Variants in DNAH6 observed in about 807,000 individuals in gnomAD.
The protein encoded by DNAH6 is dynein axonemal heavy chain 6.
A neutral mutation model predicts 491.4 loss-of-function variants in DNAH6; 340 were observed. That is an observed-to-expected ratio of 0.69 (90% CI 0.63 to 0.76). DNAH6 has a LOEUF of 0.76. Ranked by LOEUF, DNAH6 falls within the 30% of genes least tolerant of loss-of-function variation. The pLI is 0.00. For missense variants in DNAH6, 4,443 were observed against 4,972.2 expected (o/e 0.89, Z 3.20); for synonymous variants, 1,603 against 1,686.1 (o/e 0.95, Z 1.21).
intron 41 of DNAH6, among the ~76,000 whole-genome samples, chr2:84,677,700 T>G (rs1333172449): frequency 6.6e-6 from 1 of 152,182 alleles, no homozygotes; most frequent in Non-Finnish European, 1.5e-5. Flanking sequence ...CTACAAGTGC[T>G]CAACAGATTG....
rs1475656830 is a variant in DNAH6, at chr2:84,815,771, ACCTG to A, written c.12151-89_12151-86del. ...AATGTATAGAGTGTTTTTTAGAATT[ACCTG>A]GTGAGGATGTGGGACATAGGAAGTG... is the stretch of plus-strand genomic sequence containing the variant. On this transcript the variant is annotated intron_variant, in intron 75 of 76. Transcript: ENST00000389394. 1.8e-5 allele frequency: 16 copies of A among 907,322 alleles called. No individual in the cohort carries two copies. The African/African-American group carries it at 2.2e-4, about 12-fold the overall frequency. 56.2% of individuals were successfully genotyped at this position (907,322 alleles called of 1,614,324 possible).
chr2:84,535,322 C>A (rs893291295), intron 4 of DNAH6, among the ~76,000 whole-genome samples: 12 of 151,826 alleles, frequency 7.9e-5, no homozygotes, highest in African/African-American at 2.9e-4. Flanking sequence ...AGAAATTAGG[C>A]AGCATAATTA....
chr2:84,703,700 T>TC, intron 50 of DNAH6, 138 bp downstream of exon 50: 1 of 843,988 alleles, frequency 1.2e-6, no homozygotes, highest in Non-Finnish European at 1.7e-6. Flanking sequence ...AGTTTTTTTT[T>TC]TTTTAGCAAT....
intron 62 of DNAH6, among the ~76,000 whole-genome samples, chr2:84,736,867 G>A (rs1464262363): frequency 6.6e-6 from 1 of 152,048 alleles, no homozygotes; most frequent in Non-Finnish European, 1.5e-5. Flanking sequence ...GTACTATATT[G>A]AATAGGAGTG....
chr2:84,463,922 T>C, the DNAH6 span, among the ~76,000 whole-genome samples: 1 of 152,224 alleles, frequency 6.6e-6, no homozygotes, highest in African/African-American at 2.4e-5. Context: ...GCCTATTCGA[T>C]AAATTTTGGC....
intron 26 of DNAH6, among the ~76,000 whole-genome samples, chr2:84,623,882 C>T (rs868564075): frequency 4.6e-5 from 7 of 152,292 alleles, no homozygotes; most frequent in African/African-American, 1.7e-4. Context: ...AGAGTATCAC[C>T]TTTAACCACA....
chr2:84,748,488 G>T, intron 63 of DNAH6, among the ~76,000 whole-genome samples: 1 of 152,192 alleles, frequency 6.6e-6, no homozygotes, highest in East Asian at 1.9e-4. Flanking sequence ...ATACAGCCAA[G>T]TCCTTTGCTA....
chr2:84,552,531 T>C (rs1347082297), intron 9 of DNAH6, among the ~76,000 whole-genome samples: 1 of 152,214 alleles, frequency 6.6e-6, no homozygotes, highest in African/African-American at 2.4e-5. Context: ...CTTAAGTATA[T>C]TTGTATTTGA....
intron 4 of DNAH6, among the ~76,000 whole-genome samples, chr2:84,536,658 T>C (rs1677718012): frequency 6.6e-6 from 1 of 152,044 alleles, no homozygotes; most frequent in African/African-American, 2.4e-5. Context: ...AAATTTTGAC[T>C]AGTCGAAAAG....
chr2:84,500,071 C>T, the DNAH6 span, among the ~76,000 whole-genome samples: 2 of 152,094 alleles, frequency 1.3e-5, no homozygotes, highest in Admixed American at 6.6e-5. Context: ...TGGTTGCCTG[C>T]GCTTGTGGGG....
the DNAH6 span, among the ~76,000 whole-genome samples, chr2:84,503,376 T>C: frequency 6.6e-6 from 1 of 152,130 alleles, no homozygotes; most frequent in African/African-American, 2.4e-5. Flanking sequence ...GTTACTATTT[T>C]TGTTATTGTT....
intron 5 of DNAH6, 25 bp from the exon 6 acceptor site, chr2:84,547,243 A>G: frequency 1.5e-5 from 22 of 1,486,494 alleles, no homozygotes; most frequent in Non-Finnish European, 2.0e-5. Context: ...TTTTTACTAA[A>G]TAATAAATTC....
chr2:84,736,692 G>C (rs1699565672), intron 62 of DNAH6, among the ~76,000 whole-genome samples: 2 of 152,072 alleles, frequency 1.3e-5, no homozygotes. Context: ...TATATCATAA[G>C]ACTTTGTTGA....
chr2:84,708,692 T>C (rs1233454154), intron 54 of DNAH6, among the ~76,000 whole-genome samples: 2 of 152,190 alleles, frequency 1.3e-5, no homozygotes, highest in Non-Finnish European at 2.9e-5. Context: ...AATAAAAGTT[T>C]CATCTACATG....
At chr2:84,729,147 T>C (rs1192328) in intron 61 of DNAH6, among the ~76,000 whole-genome samples, 39,994 of 152,048 alleles carry the variant, frequency 0.26, 6,253 homozygotes, top group African/African-American at 0.45. Flanking sequence ...CTTAATGTGT[T>C]TTATCCTCGT....
At chr2:84,626,739 T>C (rs1226529954) in intron 29 of DNAH6, among the ~76,000 whole-genome samples, 3 of 152,080 alleles carry the variant, frequency 2.0e-5, no homozygotes. Context: ...ATAGCTGGGA[T>C]TACAGGTGCC....
chr2:84,683,829 A>G (rs976873544), intron 42 of DNAH6, among the ~76,000 whole-genome samples: 2 of 152,192 alleles, frequency 1.3e-5, no homozygotes, highest in African/African-American at 4.8e-5. Context: ...ATGTGAAGCA[A>G]TGACTGGCCT....
At chr2:84,558,037 A>G (rs1006986881) in intron 11 of DNAH6, 102 bp downstream of exon 11, 2 of 759,288 alleles carry the variant, frequency 2.6e-6, no homozygotes, top group Non-Finnish European at 3.9e-6. Flanking sequence ...TCTACATGTG[A>G]AAATTGGCAT....
rs1381925719 is a variant in DNAH6 at position 84,525,745 on chromosome 2, T to C, written c.399+7T>C. ...TGCTGTGAAAAAAATGCAGGTATAA[T>C]ATTAAAATACTTAATTGATTCTTTT... is the stretch of plus-strand genomic sequence containing the variant. On this transcript the variant is annotated splice_region_variant and intron_variant, in intron 3 of 76. Transcript: ENST00000389394. 3.9e-6 allele frequency: 6 copies of C among 1,528,036 alleles called. No individual in the cohort carries two copies. In the East Asian group the frequency reaches 1.5e-4, roughly 38 times the overall value. 94.7% of individuals were successfully genotyped at this position (1,528,036 alleles called of 1,614,324 possible).
Sources: gnomAD v4.1 joint callset for allele counts (sites outside exome capture counted in the v4.1 genomes callset) on GRCh38, gnomAD v4.1.1 for gene constraint, MANE v1.5 for transcripts, NCBI Gene and HGNC (gene_info 2026-07-23, HGNC 2026-07-21) for gene names.